CCDC122: variants seen among roughly 807,000 people sequenced by gnomAD.
The protein encoded by CCDC122 is coiled-coil domain-containing protein 122.
A neutral mutation model predicts 37.0 loss-of-function variants in CCDC122; 38 were observed. That is an observed-to-expected ratio of 1.03 (90% confidence interval 0.79 to 1.35). CCDC122 has a LOEUF of 1.35. CCDC122 is among the 40% of genes most tolerant of loss of function. The probability of loss-of-function intolerance (pLI) is 0.00; values close to 1 mark genes in which losing one functional copy is unlikely to be tolerated. For synonymous variants in CCDC122, 83 were observed against 95.6 expected (o/e 0.87, Z 0.77); for missense variants, 305 against 310.0 (o/e 0.98, Z 0.12).
chr13:43,861,404 A>C (rs1954102869), intron 4 of CCDC122, among the ~76,000 whole-genome samples: 1 of 152,130 alleles, frequency 6.6e-6, no homozygotes, highest in South Asian at 2.1e-4. Context: ...ACGGATGAAA[A>C]ACTGGGACCA....
At chr13:43,849,798 C>T (rs868107492) in intron 6 of CCDC122, among the ~76,000 whole-genome samples, 3 of 152,190 alleles carry the variant, frequency 2.0e-5, no homozygotes, top group African/African-American at 7.2e-5. Flanking sequence ...AATGAAGTGC[C>T]TAATCCCTCT....
At chr13:43,832,222 C>A (rs1198900087), downstream of CCDC122, among the ~76,000 whole-genome samples, 1 of 150,926 alleles carries the variant, frequency 6.6e-6, no homozygotes, top group Non-Finnish European at 1.5e-5. Flanking sequence ...TATATTTTAG[C>A]TTCTGATAAT....
chr13:43,866,520 T>C (rs891502970), intron 4 of CCDC122, among the ~76,000 whole-genome samples: 14 of 152,174 alleles, frequency 9.2e-5, no homozygotes, highest in African/African-American at 2.9e-4. Context: ...ATAAATAAAA[T>C]TGAGAGAACT....
In CCDC122 at chr13:43,859,930, GGATTT is replaced by G. The variant is rs780335975; in HGVS notation, c.292_296del (p.Lys98LeufsTer9). ...TAAGCTTTACATTTTCTGAATGTAA[GGATTT>G]GATTTGAGTTTCCAGGCTATCACAA... On this transcript the variant is annotated frameshift_variant, in exon 5 of 7. Transcript: ENST00000444614. LOFTEE classifies it high-confidence loss of function. The G allele has an allele frequency of 1.9e-6, 3 of 1,610,554 alleles. No homozygotes were observed. Among genetic ancestry groups the G allele is most frequent in the African/African-American group, 1.3e-5 (1 of 74,916 alleles).
intron 2 of CCDC122, among the ~76,000 whole-genome samples, chr13:43,872,317 G>T (rs1954477084): frequency 6.6e-6 from 1 of 152,008 alleles, no homozygotes; most frequent in Non-Finnish European, 1.5e-5. Context: ...TTCCCTGGAA[G>T]AATCTCAACC....
intron 6 of CCDC122, among the ~76,000 whole-genome samples, chr13:43,847,919 C>G (rs1953597657): frequency 6.6e-6 from 1 of 152,138 alleles, no homozygotes; most frequent in Admixed American, 6.6e-5. Flanking sequence ...AAAATACAGG[C>G]ACACACCACC....
At chr13:43,833,057 G>A (rs1953105058), downstream of CCDC122, among the ~76,000 whole-genome samples, 1 of 152,124 alleles carries the variant, frequency 6.6e-6, no homozygotes, top group Non-Finnish European at 1.5e-5. Flanking sequence ...ATTTATATTG[G>A]CCATGAAAGT....
At chr13:43,845,519 T>C (rs1011117220) in intron 6 of CCDC122, among the ~76,000 whole-genome samples, 2 of 152,210 alleles carry the variant, frequency 1.3e-5, no homozygotes, top group African/African-American at 4.8e-5. Context: ...AAGACCAGCC[T>C]GGCCAGCATG....
At chr13:43,857,076 G>A (rs895051438) in intron 6 of CCDC122, among the ~76,000 whole-genome samples, 1 of 152,154 alleles carries the variant, frequency 6.6e-6, no homozygotes, top group Non-Finnish European at 1.5e-5. Context: ...CCGATAATCA[G>A]ATGGGCTAAA....
chr13:43,859,372 G>C (rs901149997), intron 5 of CCDC122, among the ~76,000 whole-genome samples: 4 of 152,062 alleles, frequency 2.6e-5, no homozygotes, highest in African/African-American at 9.7e-5. Context: ...TAACATTTTT[G>C]TGAATTACAT....
chr13:43,868,725 T>C lies in CCDC122; in HGVS notation c.125A>G (p.Glu42Gly), dbSNP rs769545650. The change falls in exon 4 of 7, where the codon GAA becomes GGA. Residue 42 changes from glutamate to glycine, a missense_variant. Transcript: ENST00000444614. ...KQQQSQASEI[E>G]KNKKVLFNLK... ...ATTGAACAGAACCTTTTTGTTTTTT[T>C]CTATCTCTGATGCTTGTGATTGTTG... 16 of 1,561,296 alleles carry C rather than the reference T, an allele frequency of 1.0e-5. No homozygotes were observed. The highest frequency in any genetic ancestry group is 1.4e-5 in the Non-Finnish European group (16 of 1,153,664).
intron 3 of CCDC122, among the ~76,000 whole-genome samples, chr13:43,825,136 G>C (rs1953027711): frequency 6.6e-6 from 1 of 152,168 alleles, no homozygotes; most frequent in Non-Finnish European, 1.5e-5. Flanking sequence ...CAATAGCAAA[G>C]ACATGCAATC....
Position 43,837,299 on chromosome 13 carries a change from C to T in CCDC122, c.803G>A (p.Cys268Tyr). Residue 268 changes from cysteine to tyrosine, a missense_variant, in exon 7 of 7, where the codon TGC becomes TAC. Cys to Tyr is a radical substitution (Grantham distance 194). Transcript: ENST00000444614. ...GCAATGTTACTCTTGCATTCCAATG[C>T]ATTTTCTTAATTCGGCTGCAGTTTT... ...LEKTAAELRK[C>Y]IGMQE The T allele has an allele frequency of 6.2e-7, 1 of 1,613,888 alleles. No individual in the cohort carries two copies.
At position 43,858,699 on chromosome 13, in the gene CCDC122, G is replaced by A. The variant is rs1027500664; in HGVS notation, c.672+82C>T. 5.9e-6 allele frequency: 6 copies of A among 1,011,554 alleles called. No homozygotes were observed. In the African/African-American group the frequency reaches 8.5e-5, roughly 14 times the overall value. 62.7% of individuals were successfully genotyped at this position (1,011,554 alleles called of 1,614,324 possible). Reference sequence around the variant, plus strand: ...TCTTCAACTGTTTTGAGTATTGAGAGTAAACTATGGAAATATGAATATAGT... The same window carrying A: ...TCTTCAACTGTTTTGAGTATTGAGAATAAACTATGGAAATATGAATATAGT... On this transcript the variant is annotated intron_variant, in intron 6 of 6. Transcript: ENST00000444614.
At chr13:43,822,421 C>G (rs150852477), downstream of CCDC122, among the ~76,000 whole-genome samples, 664 of 152,346 alleles carry the variant, frequency 4.4e-3, 6 homozygotes, top group African/African-American at 0.015. Context: ...CACCCAAGGC[C>G]CCCTGTAATC....
chr13:43,857,836 G>A (rs974506994), intron 6 of CCDC122, among the ~76,000 whole-genome samples: 11 of 152,156 alleles, frequency 7.2e-5, no homozygotes, highest in Non-Finnish European at 1.5e-4. Flanking sequence ...CCGGGAGGCC[G>A]AGGCGGCAGT....
rs567340226 is a variant in CCDC122, at chr13:43,840,605, A to G, written c.673-3176T>C. Among the ~76,000 whole-genome samples the G allele has an allele frequency of 6.6e-5, 10 of 152,146 alleles. No homozygotes were observed. In the East Asian group the frequency reaches 1.7e-3, roughly 26 times the overall value. ...TGTGTCCATGTGTTCTCATTGTTCA[A>G]TTCCCACCTAGGAGTGAGAACATGC... On this transcript the variant is annotated intron_variant, in intron 6 of 6. Transcript: ENST00000444614.
intron 6 of CCDC122, chr13:43,848,848 A>G (rs1046244249): frequency 1.0e-6 from 1 of 961,704 alleles, no homozygotes; most frequent in African/African-American, 1.8e-5. Context: ...ATGATTCTTG[A>G]ACTGTAACAA....
intron 3 of CCDC122, 66 bp from the exon 4 acceptor site, chr13:43,868,869 T>A: frequency 2.9e-6 from 2 of 680,566 alleles, no homozygotes; most frequent in Non-Finnish European, 4.3e-6. Context: ...AAGAAAGTTA[T>A]GTTTCTTTAC....
Sources: gnomAD v4.1 joint callset for allele counts (sites outside exome capture counted in the v4.1 genomes callset) on GRCh38, gnomAD v4.1.1 for gene constraint, MANE v1.5 for transcripts, NCBI Gene and HGNC (gene_info 2026-07-23, HGNC 2026-07-21) for gene names.